Variants in NBAS observed in about 807,000 individuals in gnomAD.
The protein encoded by NBAS is NAG/BC035112 fusion.
Under a neutral mutation model 302.5 loss-of-function variants are expected in NBAS, and 219 were observed. That is an observed-to-expected ratio of 0.72 (90% CI 0.65 to 0.81). The LOEUF is 0.81. Ranked by LOEUF, NBAS falls within the 30% of genes least tolerant of loss-of-function variation. The pLI is 0.00. For synonymous variants in NBAS, 1,118 were observed against 1,021.6 expected, an observed-to-expected ratio of 1.09 and a Z score of -1.80; for missense variants, 2,932 against 2,841.6, an observed-to-expected ratio of 1.03 and a Z score of -0.72.
At chr2:15,089,738 A>C in the NBAS span, among the ~76,000 whole-genome samples, 1 of 134,952 alleles carries the variant, frequency 7.4e-6, no homozygotes, top group Non-Finnish European at 1.5e-5. Context: ...CAATTGGGTC[A>C]GGACTTTTTT....
At chr2:15,344,122 C>T (rs1350757378) in intron 35 of NBAS, among the ~76,000 whole-genome samples, 1 of 150,066 alleles carries the variant, frequency 6.7e-6, no homozygotes, top group East Asian at 2.0e-4. Context: ...AGCCAATAAG[C>T]ACATGAAAAA....
At chr2:15,288,891 T>C (rs2148099065) in intron 41 of NBAS, among the ~76,000 whole-genome samples, 1 of 152,370 alleles carries the variant, frequency 6.6e-6, no homozygotes, top group African/African-American at 2.4e-5. Context: ...TATTTCAGGC[T>C]TTACTGCCAG....
the NBAS span, among the ~76,000 whole-genome samples, chr2:15,157,082 T>C: frequency 6.6e-6 from 1 of 152,118 alleles, no homozygotes; most frequent in East Asian, 1.9e-4. Context: ...AGGAGGTCAA[T>C]GGATCCCATA....
chr2:14,849,096 GAGA>G, the NBAS span, among the ~76,000 whole-genome samples: 3 of 148,894 alleles, frequency 2.0e-5, no homozygotes, highest in Non-Finnish European at 4.5e-5. Flanking sequence ...GACGAGCTGA[GAGA>G]AGAAGGCTTC....
chr2:15,288,422 A>T (rs2148097187), intron 41 of NBAS, among the ~76,000 whole-genome samples: 1 of 152,256 alleles, frequency 6.6e-6, no homozygotes, highest in African/African-American at 2.4e-5. Context: ...GGTGGGAGGG[A>T]GAAGAGCCTT....
At chr2:15,118,145 G>A in the NBAS span, among the ~76,000 whole-genome samples, 69 of 152,320 alleles carry the variant, frequency 4.5e-4, no homozygotes, top group South Asian at 1.5e-3. Context: ...GACCGTGTCA[G>A]GCGGGCAGAG....
At chr2:15,220,389 T>G (rs1666898478) in intron 47 of NBAS, among the ~76,000 whole-genome samples, 1 of 152,228 alleles carries the variant, frequency 6.6e-6, no homozygotes, top group Non-Finnish European at 1.5e-5. Context: ...TGATATAATA[T>G]GCCCACACAA....
At chr2:14,881,540 C>G in the NBAS span, among the ~76,000 whole-genome samples, 2 of 152,128 alleles carry the variant, frequency 1.3e-5, no homozygotes, top group Middle Eastern at 3.2e-3. Context: ...AACTGTGAAT[C>G]CAGGAATCTA....
chr2:15,549,163 T>C (rs1263962087), intron 6 of NBAS, among the ~76,000 whole-genome samples: 1 of 152,220 alleles, frequency 6.6e-6, no homozygotes, highest in Non-Finnish European at 1.5e-5. Context: ...TATAAAATTA[T>C]GCCCATTTTA....
the NBAS span, among the ~76,000 whole-genome samples, chr2:15,014,098 TATA>T: frequency 6.6e-6 from 1 of 152,054 alleles, no homozygotes; most frequent in Non-Finnish European, 1.5e-5. Context: ...AGTGAGAGAA[TATA>T]ATAATTATAA....
At chr2:14,872,411 T>A in the NBAS span, among the ~76,000 whole-genome samples, 4 of 152,242 alleles carry the variant, frequency 2.6e-5, no homozygotes, top group South Asian at 8.3e-4. Flanking sequence ...TATGCATATT[T>A]TTTTTCTTTT....
intron 25 of NBAS, among the ~76,000 whole-genome samples, chr2:15,409,605 T>C (rs1676584944): frequency 6.6e-6 from 1 of 152,240 alleles, no homozygotes; most frequent in Non-Finnish European, 1.5e-5. Context: ...ATCTAGAAGT[T>C]CTATGTGCTC....
chr2:15,138,428 A>G, the NBAS span, among the ~76,000 whole-genome samples: 1 of 152,164 alleles, frequency 6.6e-6, no homozygotes, highest in East Asian at 1.9e-4. Context: ...ATGTCCTCAG[A>G]TCAGCCTCAT....
chr2:15,287,303 T>C (rs567750080), intron 41 of NBAS, 120 bp from the exon 42 acceptor site: 2 of 749,956 alleles, frequency 2.7e-6, no homozygotes, highest in Admixed American at 4.0e-5. Context: ...GTGTGGTCCT[T>C]AATAAGACAG....
chr2:15,481,757 T>C (rs1279493831), intron 12 of NBAS, among the ~76,000 whole-genome samples: 1 of 152,228 alleles, frequency 6.6e-6, no homozygotes, highest in Non-Finnish European at 1.5e-5. Flanking sequence ...TCAGAAATAC[T>C]GTCCCACTGA....
intron 9 of NBAS, among the ~76,000 whole-genome samples, chr2:15,530,881 C>T (rs1663181898): frequency 6.7e-6 from 1 of 150,092 alleles, no homozygotes; most frequent in Non-Finnish European, 1.5e-5. Context: ...TTTCAGAACG[C>T]CAGGGGAAAA....
In NBAS at chr2:15,456,967, G is replaced by A. The variant is rs116639523; in HGVS notation, c.2339+4234C>T. On this transcript the variant is annotated intron_variant, in intron 21 of 51. Transcript: ENST00000281513. Reference sequence around the variant, plus strand: ...GAAGCTTATATGAAAAATGTGATCAGGGAAGACCTTTATGAAGAGATATGC... The same window carrying A: ...GAAGCTTATATGAAAAATGTGATCAAGGAAGACCTTTATGAAGAGATATGC... 5.1e-3 allele frequency among the ~76,000 whole-genome samples: 775 copies of A among 152,274 alleles called. 3 individuals are homozygous for A. The highest frequency in any genetic ancestry group is 0.017 in the African/African-American group (689 of 41,548).
At position 15,439,540 on chromosome 2, in the gene NBAS, C is replaced by A. The variant is rs1399015151; in HGVS notation, c.2340-11746G>T. On this transcript the variant is annotated intron_variant, in intron 21 of 51. Coordinates refer to ENST00000281513, the MANE Select transcript of NBAS (RefSeq NM_015909.4). ...ATGGCTGAACAGCTCTGGTTGCAAACAGCAACAGCTCTGGTCTACAGCTCC... is the reference window on the plus strand; with the variant it reads ...ATGGCTGAACAGCTCTGGTTGCAAAAAGCAACAGCTCTGGTCTACAGCTCC... 2.6e-5 allele frequency among the ~76,000 whole-genome samples: 4 copies of A among 152,078 alleles called. No individual in the cohort carries two copies. The South Asian group carries it at 8.3e-4, about 32-fold the overall frequency.
chr2:15,280,080 TTAAC>T (rs1342146106), intron 42 of NBAS, among the ~76,000 whole-genome samples: 2 of 152,140 alleles, frequency 1.3e-5, no homozygotes, highest in Admixed American at 6.6e-5. Flanking sequence ...CTTTCAGAGA[TTAAC>T]TAACAGAAGA....
Sources: gnomAD v4.1 joint callset for allele counts (sites outside exome capture counted in the v4.1 genomes callset) on GRCh38, gnomAD v4.1.1 for gene constraint, MANE v1.5 for transcripts, NCBI Gene and HGNC (gene_info 2026-07-23, HGNC 2026-07-21) for gene names.